UBN1: variants seen among roughly 807,000 people sequenced by gnomAD.
The protein encoded by UBN1 is ubinuclein 1, also known as ubinuclein-1.
In UBN1, 17 loss-of-function variants were observed where a neutral mutation model predicts 108.5. The observed-to-expected ratio is 0.16, with a 90% CI of 0.11 to 0.24. UBN1 has a LOEUF of 0.24. Among genes scored for constraint, UBN1 ranks in the 10% least tolerant of loss-of-function variants. UBN1 has a pLI of 1.00. For synonymous variants in UBN1, 726 were observed against 564.2 expected (o/e 1.29, Z -4.07); for missense variants, 1,595 against 1,394.4 (o/e 1.14, Z -2.29).
At position 4,870,412 on chromosome 16, in the gene UBN1, G is replaced by A. The variant is rs888201501; in HGVS notation, c.1311+71G>A. On this transcript the variant is annotated intron_variant, in intron 9 of 17. Transcript: ENST00000262376. ...GAGGGGTGACTGAGTCTTAAGCAATGATGCGTCTGCTGCCCCACTGCCTCC... is the reference window on the plus strand; with the variant it reads ...GAGGGGTGACTGAGTCTTAAGCAATAATGCGTCTGCTGCCCCACTGCCTCC... The A allele has an allele frequency of 1.9e-5, 30 of 1,608,988 alleles. 1 individual carries two copies. The highest frequency in any genetic ancestry group is 1.0e-4 in the South Asian group (9 of 90,404).
intron 1 of UBN1, among the ~76,000 whole-genome samples, chr16:4,851,452 AAAAC>A (rs1160091624): frequency 6.6e-6 from 1 of 151,946 alleles, no homozygotes; most frequent in Non-Finnish European, 1.5e-5. Flanking sequence ...CTTGTCTCAA[AAAAC>A]AAAAAACCTA....
Position 4,877,368 on chromosome 16 carries a change from C to T in UBN1, c.3266-17C>T, listed in dbSNP as rs368080340. On this transcript the variant is annotated splice_polypyrimidine_tract_variant and intron_variant, in intron 16 of 17. Transcript: ENST00000262376. The surrounding 1 kb of genome is among the most constrained non-coding windows in gnomAD (Gnocchi z 4.3). ...TGTGTGTGTTTTGTTCTTTTCTCCC[C>T]TCCTGTTTTCTCTCAGGTCTTCTGG... 6.2e-7 allele frequency: 1 copy of T among 1,605,414 alleles called. No individual in the cohort carries two copies. Among genetic ancestry groups the T allele is most frequent in the Non-Finnish European group, 8.5e-7 (1 of 1,175,582 alleles).
chr16:4,855,607 A>C (rs76195396), intron 2 of UBN1, among the ~76,000 whole-genome samples: 1 of 50,456 alleles, frequency 2.0e-5, no homozygotes, highest in Non-Finnish European at 3.7e-5. Context: ...ACCCTGTGTC[A>C]AAAAAAAAAA....
rs1449544894 is a variant in UBN1 at position 4,874,788 on chromosome 16, C to T, written c.2378C>T (p.Pro793Leu). The change falls in exon 15 of 18, where the codon CCC (proline) becomes CTC (leucine). Residue 793 changes from proline (P) to leucine (L), a missense_variant. Coordinates refer to ENST00000262376, the MANE Select transcript of UBN1 (RefSeq NM_001079514.3). ...AGCTTGCCACGGACGTCTCACGGGCCCCAAGTGGCAGTTCCTGTGCCTGGC... is the reference window on the plus strand; with the variant it reads ...AGCTTGCCACGGACGTCTCACGGGCTCCAAGTGGCAGTTCCTGTGCCTGGC... ...HHSLPRTSHG[P>L]QVAVPVPGPQ... 2 of 1,614,084 alleles carry T rather than the reference C, an allele frequency of 1.2e-6. No homozygotes were observed. The highest frequency in any genetic ancestry group is 1.1e-5 in the South Asian group (1 of 91,084).
chr16:4,856,134 G>A (rs1487487822), intron 2 of UBN1, among the ~76,000 whole-genome samples: 1 of 152,208 alleles, frequency 6.6e-6, no homozygotes, highest in Non-Finnish European at 1.5e-5. Flanking sequence ...ACAGGAGCAG[G>A]AGTTGGTTAA....
chr16:4,876,848 C>T (rs199559477), intron 15 of UBN1, 23 bp from the exon 16 acceptor site: 914 of 1,559,164 alleles, frequency 5.9e-4, no homozygotes, highest in Non-Finnish European at 7.3e-4. Context: ...GAGTTCTTAC[C>T]GCTTGCTGTG....
chr16:4,860,545 G>T, intron 6 of UBN1, 119 bp from the exon 7 acceptor site: 1 of 1,033,942 alleles, frequency 9.7e-7, no homozygotes, highest in East Asian at 2.4e-5. Context: ...AGGAATGACA[G>T]GGTGGACTGT....
At chr16:4,858,144 T>A in intron 3 of UBN1, 68 bp downstream of exon 3, 1 of 1,003,482 alleles carries the variant, frequency 1.0e-6, no homozygotes, top group South Asian at 1.3e-5. Flanking sequence ...CTGTATTCCT[T>A]TAGTGGATCA....
At position 4,880,159 on chromosome 16, in the gene UBN1, T is replaced by A. The variant is rs1278515181; in HGVS notation, c.*27T>A. 2.5e-6 allele frequency: 4 copies of A among 1,612,952 alleles called. No homozygotes were observed. ...CGCTTCAGAGGCAAGGCTTGCCACT[T>A]GGGTCTGGGTGGAATCAGAACGTGC... On this transcript the variant is annotated 3_prime_UTR_variant, in exon 18 of 18. Transcript: ENST00000262376.
At chr16:4,865,892 G>A (rs1295065014) in intron 7 of UBN1, among the ~76,000 whole-genome samples, 2 of 152,090 alleles carry the variant, frequency 1.3e-5, no homozygotes, top group African/African-American at 4.8e-5. Context: ...AACCCGGGAG[G>A]TGGAGGTTGC....
intron 6 of UBN1, 125 bp downstream of exon 6, chr16:4,860,093 C>T (rs970520100): frequency 6.6e-5 from 79 of 1,205,394 alleles, no homozygotes; most frequent in Middle Eastern, 2.8e-4. Context: ...CCTGTCCTCC[C>T]GCACGCCTCC....
chr16:4,853,842 A>G (rs1404228366), intron 2 of UBN1, among the ~76,000 whole-genome samples: 1 of 151,920 alleles, frequency 6.6e-6, no homozygotes, highest in Non-Finnish European at 1.5e-5. Context: ...GATTACAAAC[A>G]TGAGCCACTG....
intron 1 of UBN1, 133 bp from the exon 2 acceptor site, chr16:4,852,746 A>G (rs1485254574): frequency 3.0e-6 from 3 of 1,006,486 alleles, no homozygotes; most frequent in Non-Finnish European, 4.2e-6. Context: ...GCAGAAAAAA[A>G]CAATAAATGA....
intron 1 of UBN1, among the ~76,000 whole-genome samples, chr16:4,849,820 C>T (rs1049769769): frequency 6.6e-6 from 1 of 151,570 alleles, no homozygotes; most frequent in African/African-American, 2.4e-5. Flanking sequence ...TGGTCTTAAA[C>T]TCCTAGGCTC....
At position 4,877,797 on chromosome 16, in the gene UBN1, T is replaced by TAAAAAA; in HGVS notation, c.3355+323_3355+324insAAAAAA. On this transcript the variant is annotated intron_variant, in intron 17 of 17. Transcript: ENST00000262376. The surrounding 1 kb of genome is among the most constrained non-coding windows in gnomAD (Gnocchi z 4.3). ...CTCGGCTTGTTTTTTTCTCTTCAGT[T>TAAAAAA]TAAAAAAAAAAAAAAAGGGAAGGTA... is the stretch of plus-strand genomic sequence containing the variant. 1 of 1,010,640 alleles carries TAAAAAA rather than the reference T, an allele frequency of 9.9e-7. No individual in the cohort carries two copies. The highest frequency in any genetic ancestry group is 1.2e-6 in the Non-Finnish European group (1 of 844,240). The allele number at this position is 1,010,640 out of a possible 1,614,324, so 62.6% of individuals were successfully genotyped here.
rs1309522430 is a variant in UBN1 at position 4,853,210 on chromosome 16, G to T, written c.249+44G>T. ...AGAGGCGCTGCAGGTTTAACGCACA[G>T]GGGTCAGTGCATGCATGTGGGGCTT... On this transcript the variant is annotated intron_variant, in intron 2 of 17. Coordinates refer to ENST00000262376, the MANE Select transcript of UBN1 (RefSeq NM_001079514.3). 2.5e-6 allele frequency: 4 copies of T among 1,606,290 alleles called. No homozygotes were observed. The African/African-American group carries it at 4.0e-5, about 16-fold the overall frequency.
chr16:4,860,613 C>T (rs570663566), intron 6 of UBN1, 51 bp from the exon 7 acceptor site: 2 of 1,542,736 alleles, frequency 1.3e-6, no homozygotes, highest in African/African-American at 1.4e-5. Flanking sequence ...TCTGGAGTTC[C>T]CTTTGGAGGT....
intron 14 of UBN1, among the ~76,000 whole-genome samples, chr16:4,873,504 C>A (rs1401068000): frequency 6.6e-6 from 1 of 152,152 alleles, no homozygotes; most frequent in Non-Finnish European, 1.5e-5. Flanking sequence ...GGAGAATAGA[C>A]ACTGTGAAAA....
rs879062068 is a variant in UBN1, at chr16:4,860,095, C to T, written c.671+127C>T. The T allele has an allele frequency of 1.8e-5, 22 of 1,193,468 alleles. No homozygotes were observed. In the South Asian group the frequency reaches 2.3e-4, roughly 12 times the overall value. 73.9% of individuals were successfully genotyped at this position (1,193,468 alleles called of 1,614,324 possible). On this transcript the variant is annotated intron_variant, in intron 6 of 17. Coordinates refer to ENST00000262376, the MANE Select transcript of UBN1 (RefSeq NM_001079514.3). ...AGGGCCTGGCCTTCCTGTCCTCCCG[C>T]ACGCCTCCCGCAGTGCCATTCTGGG...
Sources: allele counts gnomAD v4.1 joint callset (sites outside exome capture counted in the v4.1 genomes callset), GRCh38; gene constraint gnomAD v4.1.1; non-coding constraint Gnocchi (gnomAD v3.1); transcripts MANE v1.5; gene names NCBI Gene and HGNC (gene_info 2026-07-23, HGNC 2026-07-21).